The following ITGA4 variants were observed in gnomAD, a reference collection of about 807,000 sequenced individuals.
ITGA4 encodes integrin subunit alpha 4, also known as integrin alpha-4.
Under a neutral mutation model 133.6 loss-of-function variants are expected in ITGA4, and 63 were observed. The ratio of observed to expected loss-of-function variants is 0.47; its 90% CI spans 0.38 to 0.58. The LOEUF (loss-of-function observed/expected upper bound fraction) is 0.58. Among genes scored for constraint, ITGA4 ranks in the 20% least tolerant of loss-of-function variants. ITGA4 has a pLI of 0.00. For missense variants in ITGA4, 1,076 were observed against 1,252.7 expected (o/e 0.86, Z 2.13); for synonymous variants, 483 against 438.0 (o/e 1.10, Z -1.28).
intron 16 of ITGA4, among the ~76,000 whole-genome samples, chr2:181,510,439 T>TG (rs1371991295): frequency 6.6e-6 from 1 of 152,140 alleles, no homozygotes; most frequent in Non-Finnish European, 1.5e-5. Flanking sequence ...GGAGTCCTGT[T>TG]GTTCAGACCT....
intron 2 of ITGA4, among the ~76,000 whole-genome samples, chr2:181,464,638 CAAT>C (rs1685369483): frequency 6.6e-6 from 1 of 151,996 alleles, no homozygotes; most frequent in Non-Finnish European, 1.5e-5. Context: ...TGTAAGGGCT[CAAT>C]AAATGTGAAA....
At chr2:181,466,328 C>T (rs1484233557) in intron 2 of ITGA4, among the ~76,000 whole-genome samples, 3 of 152,038 alleles carry the variant, frequency 2.0e-5, no homozygotes, top group Non-Finnish European at 4.4e-5. Flanking sequence ...CTGGCTTTTT[C>T]AGGACTACAA....
chr2:181,522,399 A>G, intron 18 of ITGA4, 58 bp downstream of exon 18: 1 of 1,253,942 alleles, frequency 8.0e-7, no homozygotes, highest in South Asian at 1.5e-5. Flanking sequence ...TAATTTTTTA[A>G]AAGTAAATGG....
At chr2:181,472,719 G>T (rs1303445678) in intron 2 of ITGA4, among the ~76,000 whole-genome samples, 2 of 152,046 alleles carry the variant, frequency 1.3e-5, no homozygotes, top group Non-Finnish European at 2.9e-5. Flanking sequence ...TTGTTGGTTT[G>T]GCATTAGGTA....
chr2:181,470,013 A>G (rs1685509311), intron 2 of ITGA4, among the ~76,000 whole-genome samples: 1 of 152,096 alleles, frequency 6.6e-6, no homozygotes, highest in South Asian at 2.1e-4. Flanking sequence ...ATGTATACAT[A>G]TGTAACAAAC....
intron 17 of ITGA4, among the ~76,000 whole-genome samples, chr2:181,519,185 A>C (rs1686669665): frequency 6.6e-6 from 1 of 152,102 alleles, no homozygotes; most frequent in African/African-American, 2.4e-5. Flanking sequence ...TCACAAACAA[A>C]ATTTTGAATA....
At chr2:181,477,239 C>T (rs1054857760) in intron 4 of ITGA4, among the ~76,000 whole-genome samples, 4 of 152,014 alleles carry the variant, frequency 2.6e-5, no homozygotes, top group East Asian at 1.9e-4. Flanking sequence ...GACTTAAACA[C>T]GATACCTGAA....
chr2:181,521,076 A>C (rs1367104516), intron 17 of ITGA4, among the ~76,000 whole-genome samples: 3 of 152,166 alleles, frequency 2.0e-5, no homozygotes, highest in Non-Finnish European at 4.4e-5. Flanking sequence ...AACTTTCTAA[A>C]TTCTGCAGTG....
At chr2:181,486,602 A>G (rs952135248) in intron 10 of ITGA4, among the ~76,000 whole-genome samples, 2 of 152,284 alleles carry the variant, frequency 1.3e-5, no homozygotes, top group East Asian at 3.9e-4. Context: ...TATTAATTGA[A>G]TAGATGGTAG....
Position 181,495,796 on chromosome 2 carries a change from G to A in ITGA4, c.1399G>A (p.Val467Ile), listed in dbSNP as rs200550756. Reference sequence around the variant, plus strand: ...TTTCCTTCTCAGGACAAGACCTGTAGTAATTGTTGACGCTTCTTTAAGCCA... The same window carrying A: ...TTTCCTTCTCAGGACAAGACCTGTAATAATTGTTGACGCTTCTTTAAGCCA... ...SAVLLRTRPV[V>I]IVDASLSHPE... Residue 467 changes from valine (V) to isoleucine (I), a missense_variant, in exon 14 of 28, where the codon GTA becomes ATA. By Grantham distance (29) the Val-to-Ile change is conservative (BLOSUM62 3). Transcript: ENST00000397033. The surrounding 1 kb of genome is among the most constrained non-coding windows in gnomAD (Gnocchi z 4.3). 3.1e-6 allele frequency: 5 copies of A among 1,613,730 alleles called. No homozygotes were observed. Among genetic ancestry groups the A allele is most frequent in the Non-Finnish European group, 4.2e-6 (5 of 1,179,740 alleles).
chr2:181,470,100 T>TG (rs1685513126), intron 2 of ITGA4, among the ~76,000 whole-genome samples: 3 of 151,574 alleles, frequency 2.0e-5, no homozygotes, highest in Non-Finnish European at 4.4e-5. Flanking sequence ...GGCAAGAATG[T>TG]GGAAAAATGG....
Position 181,528,882 on chromosome 2 carries a change from T to C in ITGA4, c.2431-659T>C, listed in dbSNP as rs560511014. Among the ~76,000 whole-genome samples the C allele has an allele frequency of 3.3e-5, 5 of 152,306 alleles. No homozygotes were observed. The South Asian group carries it at 1.0e-3, about 32-fold the overall frequency. ...TTTCAGGAATCTTCAATCCCCAAAT[T>C]TATCATCCTCTTATGCATTTTTTGA... is the stretch of plus-strand genomic sequence containing the variant. On this transcript the variant is annotated intron_variant, in intron 22 of 27. Coordinates refer to ENST00000397033, the MANE Select transcript of ITGA4 (RefSeq NM_000885.6).
At position 181,523,544 on chromosome 2, in the gene ITGA4, A is replaced by AT. The variant is rs757827072; in HGVS notation, c.2169+13dup. ...ATCATCTCTCAAGGGTAAGTGTTTC[A>AT]TATTTATGGCTTTTGTTCACTATCA... On this transcript the variant is annotated intron_variant, in intron 19 of 27. Transcript: ENST00000397033. The surrounding 1 kb of genome is among the most constrained non-coding windows in gnomAD (Gnocchi z 4.2). 1 of 1,411,134 alleles carries AT rather than the reference A, an allele frequency of 7.1e-7. No homozygotes were observed. The highest frequency in any genetic ancestry group is 1.2e-5 in the South Asian group (1 of 85,474). The allele number at this position is 1,411,134 out of a possible 1,614,324, so 87.4% of individuals were successfully genotyped here.
rs1188457764 is a variant in ITGA4 at position 181,523,125 on chromosome 2, G to A, written c.2074-312G>A. Among the ~76,000 whole-genome samples, 2 of 150,704 alleles carry A rather than the reference G, an allele frequency of 1.3e-5. No homozygotes were observed. The highest frequency in any genetic ancestry group is 4.9e-5 in the African/African-American group (2 of 40,990). On this transcript the variant is annotated intron_variant, in intron 18 of 27. Coordinates refer to ENST00000397033, the MANE Select transcript of ITGA4 (RefSeq NM_000885.6). The surrounding 1 kb of genome is among the most constrained non-coding windows in gnomAD (Gnocchi z 4.2). Reference sequence around the variant, plus strand: ...GCTACAAGTCCAGAATTTTTTTTTTGTGGAGAATCTGTTTGAATACTAGAG... The same window carrying A: ...GCTACAAGTCCAGAATTTTTTTTTTATGGAGAATCTGTTTGAATACTAGAG...
chr2:181,520,142 C>T (rs560116073), intron 17 of ITGA4, among the ~76,000 whole-genome samples: 18 of 152,044 alleles, frequency 1.2e-4, no homozygotes, highest in South Asian at 8.3e-4. Flanking sequence ...TGCCACCTTA[C>T]GCTGTTAGGG....
chr2:181,463,269 T>C (rs1685331051), intron 2 of ITGA4, among the ~76,000 whole-genome samples: 1 of 152,164 alleles, frequency 6.6e-6, no homozygotes, highest in South Asian at 2.1e-4. Context: ...GAATTACTTC[T>C]GATACAACTC....
intron 10 of ITGA4, among the ~76,000 whole-genome samples, chr2:181,486,769 A>G (rs1434185128): frequency 2.6e-5 from 4 of 152,200 alleles, no homozygotes; most frequent in Non-Finnish European, 4.4e-5. Context: ...GAATAGGTTT[A>G]AGAGGAGAGT....
chr2:181,473,280 T>C (rs1685598317), intron 2 of ITGA4, among the ~76,000 whole-genome samples: 1 of 152,186 alleles, frequency 6.6e-6, no homozygotes, highest in Non-Finnish European at 1.5e-5. Context: ...CATTAGATTC[T>C]CGTAGGAGTG....
chr2:181,536,787 A>T lies in ITGA4; in HGVS notation c.*1260A>T. On this transcript the variant is annotated 3_prime_UTR_variant, in exon 28 of 28. Transcript: ENST00000397033. ...AAATACAATCATTTTTGTAATATTT[A>T]TTTTATGCTTATGATCTAGATAATT... The T allele has an allele frequency of 3.9e-6, 1 of 254,342 alleles. No homozygotes were observed. 15.8% of individuals were successfully genotyped at this position (254,342 alleles called of 1,614,324 possible). A position where few individuals can be genotyped will look rare whatever the true frequency, so the allele number is the denominator to read the frequency against.
Sources: allele counts gnomAD v4.1 joint callset (sites outside exome capture counted in the v4.1 genomes callset), GRCh38; gene constraint gnomAD v4.1.1; non-coding constraint Gnocchi (gnomAD v3.1); transcripts MANE v1.5; gene names NCBI Gene and HGNC (gene_info 2026-07-23, HGNC 2026-07-21).